The following ZC3H18 variants were observed in gnomAD, a reference collection of about 807,000 sequenced individuals.
The protein encoded by ZC3H18 is zinc finger CCCH domain-containing protein 18.
In ZC3H18, 8 loss-of-function variants were observed where a neutral mutation model predicts 106.1. The ratio of observed to expected loss-of-function variants is 0.08; its 90% CI spans 0.04 to 0.14. The LOEUF is 0.14. Ranked by LOEUF, ZC3H18 falls within the 10% of genes least tolerant of loss-of-function variation. ZC3H18 has a pLI of 1.00. For synonymous variants in ZC3H18, 635 were observed against 522.1 expected, an observed-to-expected ratio of 1.22 and a Z score of -2.95; for missense variants, 1,318 against 1,278.4, an observed-to-expected ratio of 1.03 and a Z score of -0.47.
At chr16:88,605,305 C>T (rs1477113633) in intron 6 of ZC3H18, among the ~76,000 whole-genome samples, 1 of 152,248 alleles carries the variant, frequency 6.6e-6, no homozygotes, top group Non-Finnish European at 1.5e-5. Flanking sequence ...CCAGGCATTG[C>T]CTGTGGCCTC....
At chr16:88,574,027 C>A (rs1914578691) in intron 1 of ZC3H18, among the ~76,000 whole-genome samples, 1 of 151,816 alleles carries the variant, frequency 6.6e-6, no homozygotes. Context: ...ATGCCCACCA[C>A]CATGCCCAGC....
chr16:88,623,730 G>A (rs1346852626), intron 10 of ZC3H18: 5 of 711,014 alleles, frequency 7.0e-6, no homozygotes, highest in African/African-American at 3.6e-5. Context: ...CGTGACACTC[G>A]CCTCCCGGAG....
intron 8 of ZC3H18, 126 bp from the exon 9 acceptor site, chr16:88,622,071 T>C (rs1298473744): frequency 8.4e-7 from 1 of 1,184,362 alleles, no homozygotes; most frequent in African/African-American, 1.5e-5. Flanking sequence ...TTAGGACCCT[T>C]TGTTTCTCAG....
At position 88,628,873 on chromosome 16, in the gene ZC3H18, A is replaced by AG; in HGVS notation, c.2566+24dup. The AG allele has an allele frequency of 6.2e-7, 1 of 1,612,978 alleles. No homozygotes were observed. Among genetic ancestry groups the AG allele is most frequent in the South Asian group, 1.1e-5 (1 of 91,070 alleles). ...GACCGAGGTGAGCCTCCCAGCCCCT[A>AG]GGGGGCAGGGCAGAGGGACGGGAGC... is the stretch of plus-strand genomic sequence containing the variant. On this transcript the variant is annotated intron_variant, in intron 16 of 17. Transcript: ENST00000301011.
intron 6 of ZC3H18, among the ~76,000 whole-genome samples, 174 bp downstream of exon 6, chr16:88,600,122 G>A (rs1168919544): frequency 1.3e-5 from 2 of 152,186 alleles, no homozygotes; most frequent in Non-Finnish European, 2.9e-5. Context: ...GCTCATCTCA[G>A]TTTTTTGCTT....
chr16:88,615,234 C>T (rs908562309), intron 8 of ZC3H18, among the ~76,000 whole-genome samples: 1 of 151,742 alleles, frequency 6.6e-6, no homozygotes, highest in African/African-American at 2.4e-5. Flanking sequence ...CCACCTCCTC[C>T]GTTCCCTCTG....
chr16:88,609,660 C>T (rs906003306), intron 7 of ZC3H18, among the ~76,000 whole-genome samples: 6 of 151,978 alleles, frequency 3.9e-5, no homozygotes, highest in Admixed American at 1.3e-4. Flanking sequence ...AGTTCAGTGG[C>T]GTGATCTCAC....
In ZC3H18 at chr16:88,577,175, G is replaced by A; in HGVS notation, c.52G>A (p.Glu18Lys). 1 of 1,605,028 alleles carries A rather than the reference G, an allele frequency of 6.2e-7. No homozygotes were observed. Among genetic ancestry groups the A allele is most frequent in the Non-Finnish European group, 8.5e-7 (1 of 1,174,476 alleles). The change falls in exon 2 of 18, where the codon GAG becomes AAG. Residue 18 changes from glutamate (E) to lysine (K), a missense_variant. Glu to Lys is a moderately conservative substitution (Grantham distance 56). Transcript: ENST00000301011. ...ERDPHSPEDE[E>K]QPQGLSDDDI... ...GGATCCTCACTCTCCAGAGGATGAAGAGCAGCCACAGGGACTCTCGGACGA... is the reference window on the plus strand; with the variant it reads ...GGATCCTCACTCTCCAGAGGATGAAAAGCAGCCACAGGGACTCTCGGACGA...
chr16:88,598,075 G>A (rs1904537803), intron 3 of ZC3H18, 103 bp from the exon 4 acceptor site: 1 of 746,912 alleles, frequency 1.3e-6, no homozygotes, highest in South Asian at 1.5e-5. Flanking sequence ...CATCAGGCCT[G>A]GGTAAACATG....
chr16:88,571,092 C>T (rs1027240469), intron 1 of ZC3H18, among the ~76,000 whole-genome samples: 1 of 152,232 alleles, frequency 6.6e-6, no homozygotes, highest in Non-Finnish European at 1.5e-5. Flanking sequence ...GAGTATGTAA[C>T]TTCCTTGCCC....
At chr16:88,625,117 C>T in intron 12 of ZC3H18, 85 bp from the exon 13 acceptor site, 1 of 1,494,794 alleles carries the variant, frequency 6.7e-7, no homozygotes, top group Non-Finnish European at 9.1e-7. Flanking sequence ...GGAGGCTCAC[C>T]TCACAGGGCT....
intron 3 of ZC3H18, among the ~76,000 whole-genome samples, chr16:88,596,305 C>T (rs1328997475): frequency 6.6e-5 from 10 of 152,122 alleles, no homozygotes; most frequent in South Asian, 2.1e-4. Context: ...CAGAAAAGAA[C>T]GATAACATTT....
chr16:88,578,986 C>T (rs1222810077), intron 2 of ZC3H18, among the ~76,000 whole-genome samples: 2 of 152,200 alleles, frequency 1.3e-5, no homozygotes, highest in African/African-American at 2.4e-5. Flanking sequence ...CCACGCCCGG[C>T]GGGTGCCATG....
rs532182310 is a variant in ZC3H18, at chr16:88,598,124, C to T, written c.689-54C>T. 15 of 680,600 alleles carry T rather than the reference C, an allele frequency of 2.2e-5. No homozygotes were observed. The East Asian group carries it at 1.1e-3, about 52-fold the overall frequency. 42.2% of individuals were successfully genotyped at this position (680,600 alleles called of 1,614,324 possible). A position where few individuals can be genotyped will look rare whatever the true frequency, so the allele number is the denominator to read the frequency against. ...CCCACCCCCCACCCCAGCAGCTGCC[C>T]TTGTGCAATTAGGCTCTTGTGGACC... On this transcript the variant is annotated intron_variant, in intron 3 of 17. Coordinates refer to ENST00000301011, the MANE Select transcript of ZC3H18 (RefSeq NM_144604.4).
intron 3 of ZC3H18, among the ~76,000 whole-genome samples, chr16:88,590,965 G>A (rs1915715240): frequency 7.8e-6 from 1 of 128,560 alleles, no homozygotes; most frequent in African/African-American, 3.0e-5. Flanking sequence ...AAATTGTGGT[G>A]GAATACTTTT....
chr16:88,597,154 G>A (rs1441172566), intron 3 of ZC3H18, among the ~76,000 whole-genome samples: 1 of 152,110 alleles, frequency 6.6e-6, no homozygotes, highest in Non-Finnish European at 1.5e-5. Flanking sequence ...ATCTCTTGAC[G>A]TCGTGAGCCA....
intron 8 of ZC3H18, among the ~76,000 whole-genome samples, chr16:88,613,726 C>G (rs11076686): frequency 0.56 from 84,407 of 152,048 alleles, 23,960 homozygotes; most frequent in African/African-American, 0.64. Context: ...ATTCCAGATA[C>G]AAGTCCCTTA....
rs538745842 is a variant in ZC3H18, at chr16:88,577,873, T to C, written c.603+147T>C. On this transcript the variant is annotated intron_variant, in intron 2 of 17. Transcript: ENST00000301011. ...GGAGAATGAGAGGCTTGTTTTGGGT[T>C]CAGTCCCATAGTGATTGGAGAGAAA... The C allele has an allele frequency of 1.4e-5, 20 of 1,451,936 alleles. No homozygotes were observed. The East Asian group carries it at 1.9e-4, about 13-fold the overall frequency. 89.9% of individuals were successfully genotyped at this position (1,451,936 alleles called of 1,614,324 possible).
chr16:88,595,955 A>G (rs188306599), intron 3 of ZC3H18, among the ~76,000 whole-genome samples: 93 of 152,312 alleles, frequency 6.1e-4, no homozygotes, highest in African/African-American at 1.8e-3. Flanking sequence ...AGATGGGACA[A>G]TGGTGTTCTT....
Sources: allele counts gnomAD v4.1 joint callset (sites outside exome capture counted in the v4.1 genomes callset), GRCh38; gene constraint gnomAD v4.1.1; transcripts MANE v1.5; gene names NCBI Gene and HGNC (gene_info 2026-07-23, HGNC 2026-07-21).